ADAM18: variants seen among roughly 807,000 people sequenced by gnomAD.
The protein encoded by ADAM18 is ADAM metallopeptidase domain 18, also known as disintegrin and metalloproteinase domain-containing protein 18.
Under a neutral mutation model 94.4 loss-of-function variants are expected in ADAM18, and 117 were observed. The ratio of observed to expected loss-of-function variants is 1.24; its 90% CI spans 1.07 to 1.45. The LOEUF (loss-of-function observed/expected upper bound fraction) is 1.45, where lower values mean the gene tolerates loss of function less well. ADAM18 is among the 40% of genes most tolerant of loss of function. The pLI is 0.00. For missense variants in ADAM18, 936 were observed against 880.0 expected, an observed-to-expected ratio of 1.06 and a Z score of -0.81; for synonymous variants, 327 against 291.6, an observed-to-expected ratio of 1.12 and a Z score of -1.24.
chr8:39,712,828 T>C (rs1489877317), intron 18 of ADAM18, among the ~76,000 whole-genome samples: 1 of 152,170 alleles, frequency 6.6e-6, no homozygotes, highest in Non-Finnish European at 1.5e-5. Context: ...TGCTCATGAA[T>C]AGGAAGAATC....
At chr8:39,688,112 C>T (rs1585981465) in intron 16 of ADAM18, among the ~76,000 whole-genome samples, 2 of 152,300 alleles carry the variant, frequency 1.3e-5, no homozygotes, top group African/African-American at 2.4e-5. Flanking sequence ...TGCCATTTCT[C>T]TGCAGCCTTA....
intron 2 of ADAM18, among the ~76,000 whole-genome samples, chr8:39,590,205 A>G (rs1445978962): frequency 6.6e-6 from 1 of 151,904 alleles, no homozygotes. Flanking sequence ...ACAATGATAG[A>G]CTGGATTAAG....
chr8:39,690,254 C>T (rs1004431095), intron 16 of ADAM18, among the ~76,000 whole-genome samples: 1 of 151,960 alleles, frequency 6.6e-6, no homozygotes, highest in Non-Finnish European at 1.5e-5. Context: ...GCCACTAGGG[C>T]AGAGGCACTC....
chr8:39,650,939 C>G (rs564663977), intron 12 of ADAM18, among the ~76,000 whole-genome samples: 4 of 152,024 alleles, frequency 2.6e-5, no homozygotes, highest in Non-Finnish European at 5.9e-5. Flanking sequence ...AGAGGACCTG[C>G]GCTGGCACCA....
chr8:39,723,892 A>G lies in ADAM18; in HGVS notation c.2162A>G (p.Asn721Ser). ...NEISKSCNRE[N>S]AEYNRNSSVV... ...ATAAGTAAATCATGTAACAGAGAGA[A>G]TGCAGAGTATAATCGGTAAATATGA... Residue 721 changes from asparagine (N) to serine (S), a missense_variant, in exon 19 of 20, where the codon AAT becomes AGT. Asn to Ser is a conservative substitution (Grantham distance 46). Coordinates refer to ENST00000265707, the MANE Select transcript of ADAM18 (RefSeq NM_014237.3). The G allele has an allele frequency of 6.5e-7, 1 of 1,539,590 alleles. No homozygotes were observed. Among genetic ancestry groups the G allele is most frequent in the South Asian group, 1.3e-5 (1 of 79,554 alleles).
intron 2 of ADAM18, 58 bp downstream of exon 2, chr8:39,585,410 C>G (rs1398587220): frequency 6.4e-6 from 8 of 1,240,970 alleles, no homozygotes; most frequent in Admixed American, 3.8e-5. Flanking sequence ...TTTTATTTAC[C>G]CTTATATTAA....
In ADAM18 at chr8:39,706,940, G is replaced by C. The variant is rs771047773; in HGVS notation, c.2017+36G>C. The C allele has an allele frequency of 8.1e-6, 10 of 1,237,856 alleles. No homozygotes were observed. In the African/African-American group the frequency reaches 1.4e-4, roughly 17 times the overall value. The allele number at this position is 1,237,856 out of a possible 1,614,324, so 76.7% of individuals were successfully genotyped here. On this transcript the variant is annotated intron_variant, in intron 18 of 19. Transcript: ENST00000265707. Reference sequence around the variant, plus strand: ...ATTTGTTTTCTAAAGCAAAATAGAAGGTTGTTTTATATAAAGTTAATTAAA... The same window carrying C: ...ATTTGTTTTCTAAAGCAAAATAGAACGTTGTTTTATATAAAGTTAATTAAA...
intron 12 of ADAM18, among the ~76,000 whole-genome samples, chr8:39,657,601 C>T (rs1820723772): frequency 6.6e-6 from 1 of 152,144 alleles, no homozygotes; most frequent in African/African-American, 2.4e-5. Flanking sequence ...CAGACGTGAG[C>T]CACAGTGCCT....
chr8:39,654,473 G>T (rs1231485012), intron 12 of ADAM18, among the ~76,000 whole-genome samples: 1 of 146,606 alleles, frequency 6.8e-6, no homozygotes, highest in Non-Finnish European at 1.5e-5. Context: ...ACACACCTTG[G>T]CTATTGTAAA....
At chr8:39,590,451 G>A (rs962710501) in intron 2 of ADAM18, among the ~76,000 whole-genome samples, 7 of 152,112 alleles carry the variant, frequency 4.6e-5, no homozygotes, top group African/African-American at 1.7e-4. Context: ...GAGGGGAGAG[G>A]GGAGGGATAG....
intron 16 of ADAM18, among the ~76,000 whole-genome samples, chr8:39,683,258 G>A (rs1821519923): frequency 6.6e-6 from 1 of 152,138 alleles, no homozygotes; most frequent in Non-Finnish European, 1.5e-5. Context: ...TGACAACCAC[G>A]TGACAAATTT....
At chr8:39,615,135 C>G (rs1425526321) in intron 6 of ADAM18, among the ~76,000 whole-genome samples, 2 of 151,880 alleles carry the variant, frequency 1.3e-5, no homozygotes, top group African/African-American at 4.8e-5. Flanking sequence ...ACACTCCACC[C>G]TAAGAACAGA....
intron 12 of ADAM18, among the ~76,000 whole-genome samples, chr8:39,652,377 G>A (rs1820562230): frequency 6.6e-6 from 1 of 152,058 alleles, no homozygotes; most frequent in Admixed American, 6.6e-5. Context: ...TTAAAAATGG[G>A]CAAAGGACCT....
intron 2 of ADAM18, among the ~76,000 whole-genome samples, chr8:39,595,411 A>G (rs181464004): frequency 1.6e-4 from 25 of 152,158 alleles, no homozygotes; most frequent in African/African-American, 6.0e-4. Flanking sequence ...TCTCCAGCAA[A>G]CCATTTACAA....
chr8:39,644,495 C>T (rs1049298589), intron 10 of ADAM18, among the ~76,000 whole-genome samples: 5 of 152,060 alleles, frequency 3.3e-5, no homozygotes, highest in African/African-American at 1.2e-4. Flanking sequence ...ACTATGTTGC[C>T]CAGGCTGGTC....
intron 16 of ADAM18, among the ~76,000 whole-genome samples, chr8:39,691,334 G>A (rs1028119572): frequency 2.0e-5 from 3 of 152,060 alleles, no homozygotes; most frequent in Non-Finnish European, 2.9e-5. Flanking sequence ...CCATGTTAGC[G>A]AGAATGCAGA....
intron 18 of ADAM18, among the ~76,000 whole-genome samples, chr8:39,717,343 A>G (rs1200904901): frequency 6.6e-6 from 1 of 151,840 alleles, no homozygotes; most frequent in Non-Finnish European, 1.5e-5. Context: ...TTTTACAGTA[A>G]AATTAAAAGT....
intron 18 of ADAM18, 24 bp from the exon 19 acceptor site, chr8:39,723,724 A>T: frequency 7.0e-7 from 1 of 1,424,778 alleles, no homozygotes; most frequent in Non-Finnish European, 9.3e-7. Flanking sequence ...GTCCCCACTA[A>T]TTTATCATAT....
At chr8:39,680,369 A>T in intron 16 of ADAM18, 143 bp downstream of exon 16, 1 of 834,050 alleles carries the variant, frequency 1.2e-6, no homozygotes, top group Non-Finnish European at 1.8e-6. Context: ...TTTAAATGAT[A>T]ATTAAAACAA....
Sources: allele counts gnomAD v4.1 joint callset (sites outside exome capture counted in the v4.1 genomes callset), GRCh38; gene constraint gnomAD v4.1.1; transcripts MANE v1.5; gene names NCBI Gene and HGNC (gene_info 2026-07-23, HGNC 2026-07-21).